Variants in CDC42SE2 observed in about 807,000 individuals in gnomAD.
The protein encoded by CDC42SE2 is CDC42 small effector protein 2.
CDC42SE2 carries 3 observed loss-of-function variants against 11.5 expected under a neutral mutation model. That is an observed-to-expected ratio of 0.26 (90% CI 0.12 to 0.67). CDC42SE2 has a LOEUF of 0.67. Ranked by LOEUF, CDC42SE2 falls within the 30% of genes least tolerant of loss-of-function variation. CDC42SE2 has a pLI of 0.80. For synonymous variants in CDC42SE2, 33 were observed against 34.8 expected, an observed-to-expected ratio of 0.95 and a Z score of 0.18; for missense variants, 82 against 106.8, an observed-to-expected ratio of 0.77 and a Z score of 1.02.
intron 3 of CDC42SE2, among the ~76,000 whole-genome samples, chr5:131,384,350 C>CT (rs1199419962): frequency 1.3e-5 from 2 of 152,134 alleles, no homozygotes; most frequent in African/African-American, 4.8e-5. Flanking sequence ...ATATGGGACT[C>CT]TCGTGATAAA....
At chr5:131,376,658 A>C (rs1400463668) in intron 3 of CDC42SE2, among the ~76,000 whole-genome samples, 1 of 151,636 alleles carries the variant, frequency 6.6e-6, no homozygotes, top group African/African-American at 2.4e-5. Flanking sequence ...CCCACCCTCT[A>C]CTCTCAGATG....
chr5:131,211,585 A>G, the CDC42SE2 span, among the ~76,000 whole-genome samples: 1 of 152,160 alleles, frequency 6.6e-6, no homozygotes, highest in African/African-American at 2.4e-5. Context: ...ATGAAGATAC[A>G]TTGAGTTGTG....
intron 3 of CDC42SE2, among the ~76,000 whole-genome samples, chr5:131,371,191 A>G (rs1211615308): frequency 6.6e-6 from 1 of 152,178 alleles, no homozygotes; most frequent in African/African-American, 2.4e-5. Context: ...CTTTTTAAGA[A>G]TCTGTTCATC....
chr5:131,319,725 TAAGG>T (rs1580751763), intron 2 of CDC42SE2, among the ~76,000 whole-genome samples: 4 of 151,942 alleles, frequency 2.6e-5, no homozygotes, highest in African/African-American at 4.8e-5. Context: ...AGGAAAAAAA[TAAGG>T]AAGATTATCC....
chr5:131,295,790 C>T (rs1409975595), intron 1 of CDC42SE2, among the ~76,000 whole-genome samples: 2 of 151,838 alleles, frequency 1.3e-5, no homozygotes, highest in Non-Finnish European at 2.9e-5. Flanking sequence ...TCACGCCATT[C>T]TCCTGCCTCA....
At chr5:131,335,077 C>T (rs946329161) in intron 2 of CDC42SE2, among the ~76,000 whole-genome samples, 2 of 151,880 alleles carry the variant, frequency 1.3e-5, no homozygotes, top group Admixed American at 1.3e-4. Flanking sequence ...AATTTTAGAT[C>T]TTTCCTGCTT....
intron 1 of CDC42SE2, among the ~76,000 whole-genome samples, chr5:131,264,696 C>CT (rs1300930093): frequency 2.6e-5 from 4 of 152,254 alleles, no homozygotes; most frequent in Non-Finnish European, 5.9e-5. Flanking sequence ...CTTGAAAGCC[C>CT]TTGGCTACCT....
In CDC42SE2 at chr5:131,278,880, G is replaced by C. The variant is rs188245159; in HGVS notation, c.-455+14714G>C. Among the ~76,000 whole-genome samples, 474 of 141,542 alleles carry C rather than the reference G, an allele frequency of 3.3e-3. 8 individuals are homozygous for C. The highest frequency in any genetic ancestry group is 0.012 in the African/African-American group (449 of 37,312). 92.9% of individuals were successfully genotyped at this position (141,542 alleles called of 152,430 possible). Reference sequence around the variant, plus strand: ...GCTCACTGCAACCTCTGCCTCCTAGGTTCAAGTGATTCTCCTGCCTCAGCC... The same window carrying C: ...GCTCACTGCAACCTCTGCCTCCTAGCTTCAAGTGATTCTCCTGCCTCAGCC... On this transcript the variant is annotated intron_variant, in intron 1 of 4. Coordinates refer to ENST00000505065, the MANE Select transcript of CDC42SE2 (RefSeq NM_001375635.1).
chr5:131,345,073 C>G (rs182688263), intron 2 of CDC42SE2, among the ~76,000 whole-genome samples: 5 of 152,208 alleles, frequency 3.3e-5, no homozygotes, highest in African/African-American at 9.6e-5. Flanking sequence ...TCTGAAAATT[C>G]TAAAAATCAG....
intron 1 of CDC42SE2, among the ~76,000 whole-genome samples, chr5:131,284,905 A>T (rs951738346): frequency 6.6e-6 from 1 of 152,146 alleles, no homozygotes; most frequent in Non-Finnish European, 1.5e-5. Context: ...CTTTAGTCCC[A>T]GCTACATGGG....
Position 131,377,516 on chromosome 5 carries a change from T to C in CDC42SE2, c.55-8027T>C, listed in dbSNP as rs554949467. Among the ~76,000 whole-genome samples the C allele has an allele frequency of 2.6e-5, 4 of 152,280 alleles. No homozygotes were observed. In the East Asian group the frequency reaches 7.7e-4, roughly 29 times the overall value. ...CAGCTGTTAATCTTTAGAGCCAGTG[T>C]TTTCTATTAACCATTAAGCCATCAA... On this transcript the variant is annotated intron_variant, in intron 3 of 4. Transcript: ENST00000505065.
intron 3 of CDC42SE2, among the ~76,000 whole-genome samples, chr5:131,377,242 C>T (rs1007763085): frequency 6.7e-6 from 1 of 150,300 alleles, no homozygotes; most frequent in Non-Finnish European, 1.5e-5. Flanking sequence ...GATCTTGACT[C>T]ACTGCAACGT....
At chr5:131,318,206 G>A (rs529770765) in intron 2 of CDC42SE2, among the ~76,000 whole-genome samples, 77 of 152,058 alleles carry the variant, frequency 5.1e-4, no homozygotes, top group Non-Finnish European at 8.1e-4. Flanking sequence ...CCCAAAGTGC[G>A]GGAACTGAAG....
chr5:131,324,611 A>G (rs935865647), intron 2 of CDC42SE2, among the ~76,000 whole-genome samples: 2 of 152,188 alleles, frequency 1.3e-5, no homozygotes, highest in African/African-American at 2.4e-5. Context: ...ATGAAACATA[A>G]AAATATAAAG....
chr5:131,370,102 C>G (rs1166790299), intron 3 of CDC42SE2, among the ~76,000 whole-genome samples: 3 of 152,152 alleles, frequency 2.0e-5, no homozygotes, highest in Admixed American at 6.5e-5. Context: ...TCCCACATTC[C>G]AACAGATCAT....
At chr5:131,309,025 G>C (rs1254952942) in intron 1 of CDC42SE2, among the ~76,000 whole-genome samples, 21 of 150,722 alleles carry the variant, frequency 1.4e-4, no homozygotes, top group African/African-American at 4.9e-4. Context: ...TCTTGTGCCA[G>C]TTTTCAAAGG....
intron 2 of CDC42SE2, chr5:131,354,883 A>T (rs1023572466): frequency 6.6e-6 from 1 of 152,286 alleles, no homozygotes; most frequent in African/African-American, 2.4e-5. Context: ...AGGTCTTGCT[A>T]TGTTGCCTAG....
At chr5:131,386,214 C>T (rs138510235) in intron 4 of CDC42SE2, among the ~76,000 whole-genome samples, 88 of 152,334 alleles carry the variant, frequency 5.8e-4, no homozygotes, top group Non-Finnish European at 8.8e-4. Flanking sequence ...CAAATCCTTG[C>T]ATGTGCAGTT....
At chr5:131,309,984 T>G (rs1160228084) in intron 1 of CDC42SE2, among the ~76,000 whole-genome samples, 24 of 152,224 alleles carry the variant, frequency 1.6e-4, no homozygotes, top group South Asian at 1.0e-3. Flanking sequence ...CTTGCCTTCT[T>G]CTAGCTTTTG....
Sources: gnomAD v4.1 joint callset for allele counts (sites outside exome capture counted in the v4.1 genomes callset) on GRCh38, gnomAD v4.1.1 for gene constraint, MANE v1.5 for transcripts, NCBI Gene and HGNC (gene_info 2026-07-23, HGNC 2026-07-21) for gene names.